The following PRKD1 variants were observed in gnomAD, a reference collection of about 807,000 sequenced individuals.
PRKD1 encodes protein kinase D1.
In PRKD1, 63 loss-of-function variants were observed where a neutral mutation model predicts 95.9. The observed-to-expected ratio is 0.66, with a 90% CI of 0.54 to 0.81. PRKD1 has a LOEUF of 0.81. Ranked by LOEUF, PRKD1 falls within the 30% of genes least tolerant of loss-of-function variation. The pLI, the probability that PRKD1 is intolerant of heterozygous loss-of-function variation, is 0.00. For missense variants in PRKD1, 1,048 were observed against 1,165.3 expected, an observed-to-expected ratio of 0.90 and a Z score of 1.47; for synonymous variants, 425 against 423.1, an observed-to-expected ratio of 1.00 and a Z score of -0.05.
In PRKD1 at chr14:29,927,608, C is replaced by G. The variant is rs558403642; in HGVS notation, c.-96G>C. The G allele has an allele frequency of 1.2e-4, 117 of 977,250 alleles. No homozygotes were observed. In the African/African-American group the frequency reaches 1.8e-3, roughly 15 times the overall value. The allele number at this position is 977,250 out of a possible 1,614,324, so 60.5% of individuals were successfully genotyped here. Reference sequence around the variant, plus strand: ...GCCGCTGAGCCAGGAGCTTCTTTCTCCGAGAGCCCAGACGGAAAATAAAAA... The same window carrying G: ...GCCGCTGAGCCAGGAGCTTCTTTCTGCGAGAGCCCAGACGGAAAATAAAAA... On this transcript the variant is annotated 5_prime_UTR_variant, in exon 1 of 18. Transcript: ENST00000331968.
intron 2 of PRKD1, among the ~76,000 whole-genome samples, chr14:29,684,143 G>GTTTTT (rs11285857): frequency 8.1e-5 from 11 of 135,790 alleles, no homozygotes; most frequent in Non-Finnish European, 1.3e-4. Context: ...CTTTAGAATG[G>GTTTTT]TTTTTTTTTT....
chr14:29,909,493 G>A (rs897591530), intron 1 of PRKD1, among the ~76,000 whole-genome samples: 4 of 152,296 alleles, frequency 2.6e-5, no homozygotes, highest in African/African-American at 7.2e-5. Context: ...GTAGGGACTC[G>A]GAGAACCTTT....
At position 29,576,954 on chromosome 14, in the gene PRKD1, C is replaced by T; in HGVS notation, c.*284G>A. 2.4e-6 allele frequency: 1 copy of T among 424,564 alleles called. No homozygotes were observed. Among genetic ancestry groups the T allele is most frequent in the Non-Finnish European group, 4.4e-6 (1 of 229,370 alleles). The allele number at this position is 424,564 out of a possible 1,614,324, so 26.3% of individuals were successfully genotyped here. On this transcript the variant is annotated 3_prime_UTR_variant, in exon 18 of 18. Coordinates refer to ENST00000331968, the MANE Select transcript of PRKD1 (RefSeq NM_002742.3). ...TAAGAAAAACACTGATTTGCAAAGG[C>T]ACAGTGGAGACAGGTTTAATGCATT...
intron 1 of PRKD1, among the ~76,000 whole-genome samples, chr14:29,865,463 C>G (rs1370289580): frequency 6.6e-6 from 1 of 152,072 alleles, no homozygotes; most frequent in Non-Finnish European, 1.5e-5. Context: ...AGGGCTCTGC[C>G]CTCATGAATG....
chr14:29,709,762 C>G (rs553581486), intron 2 of PRKD1, among the ~76,000 whole-genome samples: 1 of 152,070 alleles, frequency 6.6e-6, no homozygotes, highest in East Asian at 1.9e-4. Context: ...TCTATTCAGG[C>G]CTTCAATTTA....
At chr14:29,833,402 C>A (rs1891491356) in intron 1 of PRKD1, among the ~76,000 whole-genome samples, 1 of 152,056 alleles carries the variant, frequency 6.6e-6, no homozygotes, top group South Asian at 2.1e-4. Context: ...CACATACAGT[C>A]TATTCTTAAA....
At chr14:29,914,625 T>C (rs2139127157) in intron 1 of PRKD1, among the ~76,000 whole-genome samples, 1 of 151,998 alleles carries the variant, frequency 6.6e-6, no homozygotes, top group Non-Finnish European at 1.5e-5. Flanking sequence ...TCCCAGCTAC[T>C]CAGGAGGCTG....
At chr14:29,628,261 G>T (rs1220786176) in intron 11 of PRKD1, among the ~76,000 whole-genome samples, 1 of 152,162 alleles carries the variant, frequency 6.6e-6, no homozygotes, top group Non-Finnish European at 1.5e-5. Flanking sequence ...GTTTCATGAA[G>T]TTAATTTTCT....
chr14:29,580,462 ATG>A (rs140296435), intron 16 of PRKD1, among the ~76,000 whole-genome samples: 1 of 151,706 alleles, frequency 6.6e-6, no homozygotes, highest in Non-Finnish European at 1.5e-5. Context: ...GTATAAATAA[ATG>A]TGTGTGTGTG....
At chr14:29,632,987 T>A (rs1199909682) in intron 8 of PRKD1, 41 bp from the exon 9 acceptor site, 8 of 1,520,932 alleles carry the variant, frequency 5.3e-6, no homozygotes, top group South Asian at 1.1e-5. Context: ...TAAAAAACTT[T>A]AAAAATATCC....
rs145039277 is a variant in PRKD1, at chr14:29,916,694, A to T, written c.264+10555T>A. On this transcript the variant is annotated intron_variant, in intron 1 of 17. Transcript: ENST00000331968. ...GAGACACAGACCAAGCCTTCCAAGGATGCTAAATGCAAAGATGATACCAGC... is the reference window on the plus strand; with the variant it reads ...GAGACACAGACCAAGCCTTCCAAGGTTGCTAAATGCAAAGATGATACCAGC... 2.0e-4 allele frequency among the ~76,000 whole-genome samples: 30 copies of T among 152,346 alleles called. No individual in the cohort carries two copies. The East Asian group carries it at 5.8e-3, about 29-fold the overall frequency.
intron 13 of PRKD1, among the ~76,000 whole-genome samples, chr14:29,609,797 G>A (rs1878325917): frequency 6.7e-6 from 1 of 148,850 alleles, no homozygotes; most frequent in Non-Finnish European, 1.5e-5. Context: ...GGCCTCAAGT[G>A]ATCTGTCTGC....
At chr14:29,790,688 A>G (rs1157860566) in intron 1 of PRKD1, among the ~76,000 whole-genome samples, 1 of 152,220 alleles carries the variant, frequency 6.6e-6, no homozygotes, top group African/African-American at 2.4e-5. Context: ...TCACTGTTTC[A>G]CAGGGCCTTT....
chr14:29,675,911 T>C (rs1303277651), intron 2 of PRKD1, among the ~76,000 whole-genome samples: 17 of 140,142 alleles, frequency 1.2e-4, no homozygotes, highest in Middle Eastern at 8.8e-3. Context: ...TTCTCACTCA[T>C]AGGTGGGAAT....
At chr14:29,849,192 C>G (rs954757975) in intron 1 of PRKD1, among the ~76,000 whole-genome samples, 1 of 152,100 alleles carries the variant, frequency 6.6e-6, no homozygotes, top group East Asian at 1.9e-4. Context: ...CTCATGAGAT[C>G]TGCTTATTTA....
intron 4 of PRKD1, among the ~76,000 whole-genome samples, chr14:29,654,201 T>C (rs1165568654): frequency 6.6e-6 from 1 of 152,154 alleles, no homozygotes; most frequent in African/African-American, 2.4e-5. Context: ...AGACAGAGTC[T>C]CATTCTATCA....
intron 2 of PRKD1, among the ~76,000 whole-genome samples, chr14:29,680,769 T>C (rs922591718): frequency 6.6e-6 from 1 of 152,178 alleles, no homozygotes; most frequent in African/African-American, 2.4e-5. Context: ...AAAAACTGCC[T>C]GTTGATGAAA....
chr14:29,870,249 C>T (rs1893055056), intron 1 of PRKD1, among the ~76,000 whole-genome samples: 2 of 152,180 alleles, frequency 1.3e-5, no homozygotes, highest in East Asian at 1.9e-4. Context: ...TCAGGAGCTG[C>T]ACACAGTTGC....
intron 1 of PRKD1, among the ~76,000 whole-genome samples, chr14:29,793,005 A>G (rs1382320452): frequency 6.6e-6 from 1 of 151,654 alleles, no homozygotes; most frequent in East Asian, 1.9e-4. Context: ...ATAGCTACAA[A>G]TAAGATTATT....
Sources: gnomAD v4.1 joint callset for allele counts (sites outside exome capture counted in the v4.1 genomes callset) on GRCh38, gnomAD v4.1.1 for gene constraint, MANE v1.5 for transcripts, NCBI Gene and HGNC (gene_info 2026-07-23, HGNC 2026-07-21) for gene names.